Variants in SHISA9 observed in about 807,000 individuals in gnomAD.
The protein encoded by SHISA9 is shisa family member 9.
A neutral mutation model predicts 38.0 loss-of-function variants in SHISA9; 13 were observed. The observed-to-expected ratio is 0.34, with a 90% CI of 0.22 to 0.54. The LOEUF (loss-of-function observed/expected upper bound fraction) is 0.54, where lower values mean the gene tolerates loss of function less well. Among genes scored for constraint, SHISA9 ranks in the 20% least tolerant of loss-of-function variants. SHISA9 has a pLI of 0.91. For synonymous variants in SHISA9, 275 were observed against 242.0 expected (o/e 1.14, Z -1.27); for missense variants, 538 against 575.8 (o/e 0.93, Z 0.67).
At chr16:13,370,794 G>A in the SHISA9 span, among the ~76,000 whole-genome samples, 16 of 152,082 alleles carry the variant, frequency 1.1e-4, no homozygotes, top group Non-Finnish European at 1.8e-4. Context: ...AATTAGTAAG[G>A]TTCTGAAGGA....
At chr16:13,326,444 G>C in the SHISA9 span, among the ~76,000 whole-genome samples, 12 of 152,202 alleles carry the variant, frequency 7.9e-5, no homozygotes, top group Non-Finnish European at 1.3e-4. Context: ...GTCCCCACCG[G>C]GTGCAGTGGC....
chr16:13,556,269 C>T, the SHISA9 span, among the ~76,000 whole-genome samples: 5 of 152,122 alleles, frequency 3.3e-5, no homozygotes, highest in Non-Finnish European at 5.9e-5. Flanking sequence ...GAAAATGTGG[C>T]ACAGGAAGGT....
the SHISA9 span, among the ~76,000 whole-genome samples, chr16:13,482,457 A>G: frequency 6.6e-6 from 1 of 152,192 alleles, no homozygotes; most frequent in Admixed American, 6.5e-5. Context: ...CAGTTATGTC[A>G]TTAATAGCTC....
At chr16:12,980,560 G>A (rs117666682) in intron 2 of SHISA9, among the ~76,000 whole-genome samples, 3,073 of 149,364 alleles carry the variant, frequency 0.021, 64 homozygotes, top group Non-Finnish European at 0.03. Flanking sequence ...TCACTACAAT[G>A]TGTCTAAATA....
At chr16:13,536,856 G>T in the SHISA9 span, among the ~76,000 whole-genome samples, 2 of 152,260 alleles carry the variant, frequency 1.3e-5, no homozygotes, top group East Asian at 1.9e-4. Flanking sequence ...AGTTATTAAT[G>T]GCTAAACAGA....
chr16:12,959,523 GGAGAAAAAACAGAGCTCAGACTC>G (rs1201048106), intron 2 of SHISA9, among the ~76,000 whole-genome samples: 8 of 152,240 alleles, frequency 5.3e-5, no homozygotes, highest in East Asian at 1.9e-4. Context: ...CAGGGCAGCT[GGAGAAAAAACAGAGCTCAGACTC>G]GAGAAAAAAC....
intron 3 of SHISA9, 35 bp from the exon 4 acceptor site, chr16:13,213,218 A>G (rs1201004777): frequency 6.5e-7 from 1 of 1,548,064 alleles, no homozygotes; most frequent in Non-Finnish European, 8.7e-7. Context: ...CCCTGCAAAC[A>G]GATCATCAGC....
the SHISA9 span, among the ~76,000 whole-genome samples, chr16:13,325,755 A>C: frequency 6.6e-6 from 1 of 152,160 alleles, no homozygotes; most frequent in African/African-American, 2.4e-5. Context: ...TTGCAGGGCC[A>C]TGGATGAGGC....
chr16:13,099,156 C>G (rs1433729656), intron 2 of SHISA9, among the ~76,000 whole-genome samples: 2 of 152,250 alleles, frequency 1.3e-5, no homozygotes, highest in Non-Finnish European at 2.9e-5. Flanking sequence ...GACCGATCAT[C>G]TATGGCTGAT....
intron 2 of SHISA9, among the ~76,000 whole-genome samples, chr16:12,930,712 CT>C (rs140697114): frequency 0.013 from 1,976 of 152,260 alleles, 44 homozygotes; most frequent in African/African-American, 0.044. Flanking sequence ...CCTTAATAAT[CT>C]CCTGCTTAGG....
chr16:13,498,873 G>C, the SHISA9 span, among the ~76,000 whole-genome samples: 1 of 152,212 alleles, frequency 6.6e-6, no homozygotes, highest in Non-Finnish European at 1.5e-5. Context: ...CAAGGAAAGG[G>C]GAGAAGTCAG....
intron 2 of SHISA9, among the ~76,000 whole-genome samples, chr16:13,141,969 C>G (rs114342184): frequency 0.015 from 2,209 of 152,260 alleles, 62 homozygotes; most frequent in African/African-American, 0.051. Context: ...AGAGACAGAT[C>G]TGTAGATCTT....
chr16:13,507,741 G>C, the SHISA9 span, among the ~76,000 whole-genome samples: 4 of 152,176 alleles, frequency 2.6e-5, no homozygotes, highest in African/African-American at 9.7e-5. Context: ...TTCAGGTCGG[G>C]CATGTCTGTG....
the SHISA9 span, among the ~76,000 whole-genome samples, chr16:13,326,140 A>T: frequency 1.3e-5 from 2 of 152,160 alleles, no homozygotes; most frequent in East Asian, 3.9e-4. Context: ...GGCTTAAAAT[A>T]ATCAGACAGA....
At chr16:13,076,077 C>T (rs1429435364) in intron 2 of SHISA9, among the ~76,000 whole-genome samples, 1 of 147,890 alleles carries the variant, frequency 6.8e-6, no homozygotes, top group Non-Finnish European at 1.5e-5. Context: ...GTCACCTAGG[C>T]TGGAGTGCAG....
chr16:13,160,976 C>G (rs1337712923), intron 2 of SHISA9, among the ~76,000 whole-genome samples: 3 of 152,140 alleles, frequency 2.0e-5, no homozygotes, highest in African/African-American at 7.2e-5. Flanking sequence ...ATTTTTCTTC[C>G]TAGCCCCATT....
rs985662940 is a variant in SHISA9, at chr16:13,115,825, T to G, written c.692-87569T>G. ...TGCAGGCATTTCATTTTGCAAACCC[T>G]GCACTAACAATTCCTTCCAACACTG... On this transcript the variant is annotated intron_variant, in intron 2 of 4. Coordinates refer to ENST00000558583, the MANE Select transcript of SHISA9 (RefSeq NM_001145204.3). Among the ~76,000 whole-genome samples the G allele has an allele frequency of 4.6e-5, 7 of 152,232 alleles. No individual in the cohort carries two copies. In the South Asian group the frequency reaches 8.3e-4, roughly 18 times the overall value.
rs115869390 is a variant in SHISA9, at chr16:12,979,041, C to T, written c.691+62226C>T. 5.8e-3 allele frequency among the ~76,000 whole-genome samples: 878 copies of T among 152,316 alleles called. 6 individuals carry two copies. Among genetic ancestry groups the T allele is most frequent in the African/African-American group, 0.019 (780 of 41,570 alleles). On this transcript the variant is annotated intron_variant, in intron 2 of 4. Transcript: ENST00000558583. ...TCGTTATACACCTTGACTCATCTCTCCTCCCAATCTCCACGTCTAATCAGT... is the reference window on the plus strand; with the variant it reads ...TCGTTATACACCTTGACTCATCTCTTCTCCCAATCTCCACGTCTAATCAGT...
chr16:13,524,852 A>G, the SHISA9 span, among the ~76,000 whole-genome samples: 2 of 151,922 alleles, frequency 1.3e-5, no homozygotes, highest in African/African-American at 4.8e-5. Flanking sequence ...ATTCTTTATT[A>G]CGCAGAGTTG....
Sources: allele counts gnomAD v4.1 joint callset (sites outside exome capture counted in the v4.1 genomes callset), GRCh38; gene constraint gnomAD v4.1.1; transcripts MANE v1.5; gene names NCBI Gene and HGNC (gene_info 2026-07-23, HGNC 2026-07-21).